The following LMO7 variants were observed in gnomAD, a reference collection of about 807,000 sequenced individuals.
LMO7 encodes the protein LIM domain only protein 7.
In LMO7, 120 loss-of-function variants were observed where a neutral mutation model predicts 206.5. The observed-to-expected ratio is 0.58, with a 90% CI of 0.50 to 0.68. The LOEUF (loss-of-function observed/expected upper bound fraction) is 0.68, where lower values mean the gene tolerates loss of function less well. Ranked by LOEUF, LMO7 falls within the 30% of genes least tolerant of loss-of-function variation. The pLI is 0.00. For missense variants in LMO7, 1,959 were observed against 1,957.9 expected (o/e 1.00, Z -0.01); for synonymous variants, 706 against 681.5 (o/e 1.04, Z -0.56).
At chr13:75,784,822 A>G (rs1261481911) in intron 4 of LMO7, among the ~76,000 whole-genome samples, 1 of 152,208 alleles carries the variant, frequency 6.6e-6, no homozygotes, top group Non-Finnish European at 1.5e-5. Flanking sequence ...TTAATCTTGT[A>G]CATGCTTGCT....
chr13:75,796,715 C>T lies in LMO7; in HGVS notation c.428C>T (p.Ala143Val), dbSNP rs201250585. The T allele has an allele frequency of 4.0e-5, 65 of 1,612,734 alleles. 2 individuals carry two copies. Among genetic ancestry groups the T allele is most frequent in the Admixed American group, 2.0e-4 (12 of 59,984 alleles). The change falls in exon 6 of 31, where the codon GCG becomes GTG. Residue 143 changes from alanine to valine, a missense_variant. Coordinates refer to ENST00000377534, the MANE Select transcript of LMO7 (RefSeq NM_001306080.2). ...AATGGTCCCCATCTTAATTTGAAAG[C>T]GTTTGAGAATCTTTTAGGACAAGCA... ...YYNGPHLNLK[A>V]FENLLGQALT...
intron 4 of LMO7, among the ~76,000 whole-genome samples, chr13:75,791,952 TCTCTCCC>T (rs1344269183): frequency 1.3e-5 from 2 of 152,090 alleles, no homozygotes; most frequent in East Asian, 1.9e-4. Flanking sequence ...TGTTCTCTTC[TCTCTCCC>T]CTCTCCCCTC....
At chr13:75,632,862 G>GTTGTTTTTTTTTTTTTTTTTTTTT (rs2099197047), upstream of LMO7, among the ~76,000 whole-genome samples, 2 of 102,138 alleles carry the variant, frequency 2.0e-5, no homozygotes, top group South Asian at 7.3e-4. Flanking sequence ...TTACTTAAAA[G>GTTGTTTTTTTTTTTTTTTTTTTTT]TTTTTTTTTT....
At chr13:75,847,374 A>T (rs972730509) in intron 26 of LMO7, among the ~76,000 whole-genome samples, 4 of 152,260 alleles carry the variant, frequency 2.6e-5, no homozygotes, top group African/African-American at 9.6e-5. Context: ...GAATAAATTC[A>T]ACATTCAAAT....
At position 75,770,240 on chromosome 13, in the gene LMO7, A is replaced by G. The variant is rs527402436; in HGVS notation, c.317+9202A>G. The stretch of plus-strand genomic sequence containing the variant: ...GTCCTGGAGGAGAAATAGGAGTAGT[A>G]TCATTAGATATAGGTGTTTATGCCA... On this transcript the variant is annotated intron_variant, in intron 4 of 30. Coordinates refer to ENST00000377534, the MANE Select transcript of LMO7 (RefSeq NM_001306080.2). Among the ~76,000 whole-genome samples the G allele has an allele frequency of 3.3e-5, 5 of 151,656 alleles. No individual in the cohort carries two copies. The East Asian group carries it at 9.7e-4, about 29-fold the overall frequency.
At chr13:75,744,021 G>C (rs985029294) in intron 3 of LMO7, among the ~76,000 whole-genome samples, 15 of 152,128 alleles carry the variant, frequency 9.9e-5, no homozygotes, top group Non-Finnish European at 1.9e-4. Context: ...GTGCATTGCT[G>C]TCTTCAAGAT....
chr13:75,849,457 CAT>C (rs2060294229), intron 27 of LMO7, among the ~76,000 whole-genome samples, 165 bp downstream of exon 27: 1 of 151,314 alleles, frequency 6.6e-6, no homozygotes, highest in African/African-American at 2.4e-5. Context: ...CTGAGGAAAA[CAT>C]ATTGAGGTAG....
chr13:75,796,378 A>G (rs2054010859), intron 5 of LMO7, among the ~76,000 whole-genome samples: 1 of 152,164 alleles, frequency 6.6e-6, no homozygotes. Flanking sequence ...CTTCGTATAT[A>G]CTAGTAGAGT....
chr13:75,843,047 TTGATCTTTGTATCAGTTAGC>T, intron 25 of LMO7, 131 bp downstream of exon 25: 1 of 652,162 alleles, frequency 1.5e-6, no homozygotes, highest in Non-Finnish European at 2.7e-6. Flanking sequence ...GAATTGCTGG[TTGATCTTTGTATCAGTTAGC>T]TTTTGCTGTG....
intron 1 of LMO7, among the ~76,000 whole-genome samples, chr13:75,658,863 A>G (rs1480319771): frequency 6.6e-6 from 1 of 152,202 alleles, no homozygotes; most frequent in Non-Finnish European, 1.5e-5. Flanking sequence ...TGCTGGGACT[A>G]CAGGTGTGAG....
Position 75,804,427 on chromosome 13 carries a change from G to C in LMO7, c.800G>C (p.Arg267Thr). 3 of 1,614,164 alleles carry C rather than the reference G, an allele frequency of 1.9e-6. No homozygotes were observed. Among genetic ancestry groups the C allele is most frequent in the Non-Finnish European group, 2.5e-6 (3 of 1,180,024 alleles). ...AATCGTTTTTTACCCAACAAAAGTA[G>C]ACAGCCATCCTATGTACCAGCACCT... is the stretch of plus-strand genomic sequence containing the variant. Reference protein sequence around the residue: ...PFNRFLPNKSRQPSYVPAPLR... With the variant: ...PFNRFLPNKSTQPSYVPAPLR... The change falls in exon 8 of 31, where the codon AGA becomes ACA. Residue 267 changes from arginine (R) to threonine (T), a missense_variant. Arg to Thr is a moderately conservative substitution (Grantham distance 71). Coordinates refer to ENST00000377534, the MANE Select transcript of LMO7 (RefSeq NM_001306080.2).
intron 1 of LMO7, among the ~76,000 whole-genome samples, chr13:75,661,340 A>G (rs2038581313): frequency 6.6e-6 from 1 of 152,246 alleles, no homozygotes; most frequent in Admixed American, 6.5e-5. Flanking sequence ...GATATTAGAA[A>G]GCCAAGAATA....
intron 1 of LMO7, among the ~76,000 whole-genome samples, chr13:75,651,528 T>C (rs1332722487): frequency 6.6e-6 from 1 of 152,174 alleles, no homozygotes; most frequent in South Asian, 2.1e-4. Context: ...CAGCCTGGTC[T>C]TGAACTCCTG....
intron 1 of LMO7, among the ~76,000 whole-genome samples, chr13:75,643,180 G>A (rs1335344324): frequency 6.6e-6 from 1 of 152,134 alleles, no homozygotes; most frequent in South Asian, 2.1e-4. Flanking sequence ...TCTGGATGCC[G>A]AGAGTGCTTT....
At chr13:75,838,569 A>G (rs1468018960) in intron 20 of LMO7, 1 of 242,888 alleles carries the variant, frequency 4.1e-6, no homozygotes, top group African/African-American at 2.3e-5. Context: ...AAATTGCATA[A>G]TATTAGATTA....
At position 75,821,263 on chromosome 13, in the gene LMO7, C is replaced by A; in HGVS notation, c.2294C>A (p.Pro765His). The A allele has an allele frequency of 6.2e-7, 1 of 1,613,922 alleles. No individual in the cohort carries two copies. Among genetic ancestry groups the A allele is most frequent in the Non-Finnish European group, 8.5e-7 (1 of 1,179,878 alleles). The stretch of plus-strand genomic sequence containing the variant: ...GTGCTGGAGGAAGGAAAGCGACCCC[C>A]TACAATGACTGTGTCAGAAGCAAGT... ...DDVLEEGKRPPTMTVSEASYQ... is the reference protein window; with the variant it reads ...DDVLEEGKRPHTMTVSEASYQ... The change falls in exon 14 of 31, where the codon CCT becomes CAT. Residue 765 changes from proline to histidine, a missense_variant. By Grantham distance (77) the Pro-to-His change is moderately conservative (BLOSUM62 -2). Coordinates refer to ENST00000377534, the MANE Select transcript of LMO7 (RefSeq NM_001306080.2).
At chr13:75,673,881 T>C (rs1033010821) in intron 1 of LMO7, among the ~76,000 whole-genome samples, 1 of 152,232 alleles carries the variant, frequency 6.6e-6, no homozygotes, top group Non-Finnish European at 1.5e-5. Context: ...TTTTAAAGCT[T>C]TGACATCTTT....
intron 3 of LMO7, among the ~76,000 whole-genome samples, chr13:75,751,137 C>G (rs1566387151): frequency 1.8e-5 from 2 of 111,086 alleles, no homozygotes; most frequent in South Asian, 3.3e-4. Flanking sequence ...GTACTCAGCT[C>G]TTTTTTCAGC....
intron 12 of LMO7, among the ~76,000 whole-genome samples, chr13:75,819,036 G>A (rs2057327491): frequency 1.3e-5 from 2 of 152,298 alleles, no homozygotes; most frequent in Non-Finnish European, 1.5e-5. Flanking sequence ...AACATGTTTC[G>A]CAGAACAGCC....
Sources: allele counts gnomAD v4.1 joint callset (sites outside exome capture counted in the v4.1 genomes callset), GRCh38; gene constraint gnomAD v4.1.1; transcripts MANE v1.5; gene names NCBI Gene and HGNC (gene_info 2026-07-23, HGNC 2026-07-21).